The following GALNT12 variants were observed in gnomAD, a reference collection of about 807,000 sequenced individuals.
The protein encoded by GALNT12 is UDP-GalNAc:polypeptide N-acetylgalactosaminyltransferase 12.
A neutral mutation model predicts 55.5 loss-of-function variants in GALNT12; 45 were observed. The observed-to-expected ratio is 0.81, with a 90% CI of 0.64 to 1.04. GALNT12 has a LOEUF of 1.04. Ranked by LOEUF, GALNT12 falls within the 50% of genes least tolerant of loss-of-function variation. The pLI is 0.00. For synonymous variants in GALNT12, 304 were observed against 312.2 expected (o/e 0.97, Z 0.28); for missense variants, 709 against 754.8 (o/e 0.94, Z 0.71).
In GALNT12 at chr9:98,820,171, T is replaced by G. The variant is rs184896334; in HGVS notation, c.372-3085T>G. ...CATAGGTAAACGTGTGCCATGGTTG[T>G]TTGTTGTACAGATCATCTCATCACC... On this transcript the variant is annotated intron_variant, in intron 1 of 9. Coordinates refer to ENST00000375011, the MANE Select transcript of GALNT12 (RefSeq NM_024642.5). Among the ~76,000 whole-genome samples the G allele has an allele frequency of 3.1e-3, 464 of 152,104 alleles. 4 individuals carry two copies. The highest frequency in any genetic ancestry group is 0.011 in the African/African-American group (436 of 41,388).
chr9:98,819,854 C>T (rs1187334377), intron 1 of GALNT12, among the ~76,000 whole-genome samples: 1 of 152,160 alleles, frequency 6.6e-6, no homozygotes, highest in Non-Finnish European at 1.5e-5. Context: ...ACAAAGATCT[C>T]AGCCCAGTAC....
intron 6 of GALNT12, among the ~76,000 whole-genome samples, chr9:98,839,154 A>C (rs180792292): frequency 1.2e-4 from 19 of 152,322 alleles, no homozygotes; most frequent in African/African-American, 4.6e-4. Flanking sequence ...TTAGGGGGGC[A>C]CTGAATGCAC....
At chr9:98,819,368 C>T (rs59209602) in intron 1 of GALNT12, among the ~76,000 whole-genome samples, 7,386 of 152,288 alleles carry the variant, frequency 0.049, 609 homozygotes, top group African/African-American at 0.17. Flanking sequence ...TCTGGGGATT[C>T]GGCTCCTGGC....
intron 1 of GALNT12, among the ~76,000 whole-genome samples, chr9:98,813,908 T>G (rs978306118): frequency 6.6e-6 from 1 of 152,224 alleles, no homozygotes; most frequent in Admixed American, 6.5e-5. Context: ...AGAAGTCCTA[T>G]ATTCACTTTT....
chr9:98,836,904 T>C, intron 5 of GALNT12, 68 bp from the exon 6 acceptor site: 1 of 1,559,768 alleles, frequency 6.4e-7, no homozygotes, highest in South Asian at 1.1e-5. Flanking sequence ...GCCTCTTTGC[T>C]GCAGATACTA....
At chr9:98,815,829 G>T (rs564391549) in intron 1 of GALNT12, among the ~76,000 whole-genome samples, 1 of 152,162 alleles carries the variant, frequency 6.6e-6, no homozygotes, top group South Asian at 2.1e-4. Flanking sequence ...TTGTTTATGC[G>T]TGAACGCGCT....
chr9:98,820,567 A>G (rs912876535), intron 1 of GALNT12, among the ~76,000 whole-genome samples: 1 of 152,210 alleles, frequency 6.6e-6, no homozygotes, highest in African/African-American at 2.4e-5. Flanking sequence ...ATGCGCGTGC[A>G]TGTATCTTTA....
chr9:98,826,999 G>C, intron 3 of GALNT12, 58 bp downstream of exon 3: 1 of 1,515,470 alleles, frequency 6.6e-7, no homozygotes, highest in South Asian at 1.2e-5. Context: ...GGTAGCATGA[G>C]GAACAGACTC....
intron 1 of GALNT12, 106 bp downstream of exon 1, chr9:98,808,175 G>A: frequency 1.3e-6 from 1 of 797,042 alleles, no homozygotes; most frequent in Non-Finnish European, 2.0e-6. Context: ...AGGATGGCGC[G>A]TCTTATTGAG....
At chr9:98,829,631 C>T (rs1229605891) in intron 3 of GALNT12, among the ~76,000 whole-genome samples, 2 of 152,124 alleles carry the variant, frequency 1.3e-5, no homozygotes, top group Non-Finnish European at 2.9e-5. Flanking sequence ...ACTACCCTTC[C>T]CAGTCTCTGG....
chr9:98,816,520 G>T (rs1207998055), intron 1 of GALNT12, among the ~76,000 whole-genome samples: 1 of 151,880 alleles, frequency 6.6e-6, no homozygotes, highest in Non-Finnish European at 1.5e-5. Context: ...TCACTTCACC[G>T]TCCTTATTGT....
intron 1 of GALNT12, among the ~76,000 whole-genome samples, chr9:98,822,996 C>T (rs577298107): frequency 2.0e-5 from 3 of 152,276 alleles, no homozygotes; most frequent in East Asian, 1.9e-4. Context: ...GATTCTGTCT[C>T]GTTTGTATGT....
At chr9:98,845,726 C>T (rs555221960) in intron 8 of GALNT12, among the ~76,000 whole-genome samples, 5 of 152,122 alleles carry the variant, frequency 3.3e-5, no homozygotes, top group Non-Finnish European at 5.9e-5. Context: ...ATGCACCAGC[C>T]CTGTCTCCCT....
rs1836243466 is a variant in GALNT12 at position 98,839,860 on chromosome 9, C to G, written c.1213-142C>G. 26 of 990,894 alleles carry G rather than the reference C, an allele frequency of 2.6e-5. No homozygotes were observed. In the South Asian group the frequency reaches 3.4e-4, roughly 13 times the overall value. 61.4% of individuals were successfully genotyped at this position (990,894 alleles called of 1,614,324 possible). ...TAGGTGCAAGGATGTTTTCTATCCT[C>G]TGTGCTCCACACAGGGCCTGGCATG... On this transcript the variant is annotated intron_variant, in intron 6 of 9. Coordinates refer to ENST00000375011, the MANE Select transcript of GALNT12 (RefSeq NM_024642.5).
rs1836505267 is a variant in GALNT12 at position 98,849,631 on chromosome 9, T to G, written c.*539T>G. 1 of 409,152 alleles carries G rather than the reference T, an allele frequency of 2.4e-6. No homozygotes were observed. The highest frequency in any genetic ancestry group is 2.1e-5 in the African/African-American group (1 of 48,684). The allele number at this position is 409,152 out of a possible 1,614,324, so 25.3% of individuals were successfully genotyped here. A position where few individuals can be genotyped will look rare whatever the true frequency, so the allele number is the denominator to read the frequency against. ...AGGTCATTGAGATCTTCTAGATGTATTTTAAAAAGAATGCTTTTTGGTTAT... is the reference window on the plus strand; with the variant it reads ...AGGTCATTGAGATCTTCTAGATGTAGTTTAAAAAGAATGCTTTTTGGTTAT... On this transcript the variant is annotated 3_prime_UTR_variant, in exon 10 of 10. Coordinates refer to ENST00000375011, the MANE Select transcript of GALNT12 (RefSeq NM_024642.5).
At chr9:98,827,844 A>G (rs566915221) in intron 3 of GALNT12, among the ~76,000 whole-genome samples, 47 of 152,308 alleles carry the variant, frequency 3.1e-4, no homozygotes, top group African/African-American at 1.1e-3. Flanking sequence ...TGAAAGTCAT[A>G]ATGTAACCCT....
chr9:98,828,702 G>T (rs1281262878), intron 3 of GALNT12, among the ~76,000 whole-genome samples: 1 of 152,152 alleles, frequency 6.6e-6, no homozygotes, highest in African/African-American at 2.4e-5. Flanking sequence ...AATAGTAGGT[G>T]TATATATTTA....
At chr9:98,838,484 G>A (rs150599004) in intron 6 of GALNT12, among the ~76,000 whole-genome samples, 2 of 152,304 alleles carry the variant, frequency 1.3e-5, no homozygotes, top group Non-Finnish European at 2.9e-5. Context: ...TGAGTCTGTC[G>A]GAGGCTGAGG....
At chr9:98,819,345 A>G (rs1588442498) in intron 1 of GALNT12, among the ~76,000 whole-genome samples, 1 of 152,348 alleles carries the variant, frequency 6.6e-6, no homozygotes, top group South Asian at 2.1e-4. Flanking sequence ...GCATGAGTTG[A>G]AAGCCTATGG....
Sources: gnomAD v4.1 joint callset for allele counts (sites outside exome capture counted in the v4.1 genomes callset) on GRCh38, gnomAD v4.1.1 for gene constraint, MANE v1.5 for transcripts, NCBI Gene and HGNC (gene_info 2026-07-23, HGNC 2026-07-21) for gene names.